RANGAP1: variants seen among roughly 807,000 people sequenced by gnomAD.
RANGAP1 encodes the protein Ran GTPase activating protein 1.
In RANGAP1, 38 loss-of-function variants were observed where a neutral mutation model predicts 63.5. The observed-to-expected ratio is 0.60, with a 90% CI of 0.46 to 0.78. RANGAP1 has a LOEUF of 0.78. Among genes scored for constraint, RANGAP1 ranks in the 30% least tolerant of loss-of-function variants. The pLI is 0.00. For synonymous variants in RANGAP1, 329 were observed against 310.5 expected (o/e 1.06, Z -0.63); for missense variants, 630 against 740.3 (o/e 0.85, Z 1.73).
At chr22:41,261,639 G>A in intron 5 of RANGAP1, 59 bp from the exon 6 acceptor site, 1 of 1,608,072 alleles carries the variant, frequency 6.2e-7, no homozygotes, top group Non-Finnish European at 8.5e-7. Context: ...CCAGCGGGGT[G>A]GCCACTGCTG....
intron 3 of RANGAP1, among the ~76,000 whole-genome samples, chr22:41,273,525 TG>T (rs899884903): frequency 3.3e-5 from 5 of 151,920 alleles, no homozygotes; most frequent in African/African-American, 1.2e-4. Flanking sequence ...CCCAGCACAT[TG>T]GGAGGCCAAG....
At chr22:41,249,684 C>T in intron 14 of RANGAP1, 45 bp downstream of exon 14, 2 of 1,579,142 alleles carry the variant, frequency 1.3e-6, no homozygotes, top group African/African-American at 2.7e-5. Flanking sequence ...TCTGTGCAGA[C>T]CCCACCCACC....
At chr22:41,301,970 A>T in the RANGAP1 span, among the ~76,000 whole-genome samples, 3 of 151,640 alleles carry the variant, frequency 2.0e-5, no homozygotes, top group Non-Finnish European at 4.4e-5. Flanking sequence ...CGTCTCTAAA[A>T]CCCCATTTGC....
chr22:41,254,921 G>A (rs1167531643), intron 10 of RANGAP1, among the ~76,000 whole-genome samples: 1 of 149,976 alleles, frequency 6.7e-6, no homozygotes, highest in Non-Finnish European at 1.5e-5. Context: ...GCAGTGAGCC[G>A]AAATTGTGCC....
At chr22:41,254,621 A>G in intron 10 of RANGAP1, 127 bp from the exon 11 acceptor site, 1 of 1,482,426 alleles carries the variant, frequency 6.7e-7, no homozygotes, top group Middle Eastern at 1.9e-4. Flanking sequence ...GGGTGGGAGC[A>G]CCTGCTCCCA....
At chr22:41,247,146 C>A (rs1290625771) in intron 15 of RANGAP1, among the ~76,000 whole-genome samples, 2 of 152,040 alleles carry the variant, frequency 1.3e-5, no homozygotes, top group East Asian at 3.9e-4. Context: ...AGCTCCGCCT[C>A]CCGAGTTCAC....
upstream of RANGAP1, among the ~76,000 whole-genome samples, chr22:41,287,229 C>G (rs1232971457): frequency 6.6e-6 from 1 of 152,078 alleles, no homozygotes; most frequent in Admixed American, 6.6e-5. Flanking sequence ...AAGAAATATA[C>G]CTATACATAT....
At chr22:41,253,866 G>C (rs1437865518) in intron 11 of RANGAP1, among the ~76,000 whole-genome samples, 3 of 152,140 alleles carry the variant, frequency 2.0e-5, no homozygotes, top group Admixed American at 1.3e-4. Flanking sequence ...CCAGCACTTT[G>C]GGAGGTCGAG....
chr22:41,255,504 C>T (rs549047531), intron 10 of RANGAP1, among the ~76,000 whole-genome samples: 2 of 152,040 alleles, frequency 1.3e-5, no homozygotes, highest in Admixed American at 1.3e-4. Flanking sequence ...AGAACAATCC[C>T]GAGTGCAGCC....
intron 5 of RANGAP1, among the ~76,000 whole-genome samples, chr22:41,262,797 T>C (rs2034250417): frequency 6.6e-6 from 1 of 152,222 alleles, no homozygotes; most frequent in East Asian, 1.9e-4. Context: ...CACGTGGTGA[T>C]GGCCTTAGCT....
intron 10 of RANGAP1, 36 bp from the exon 11 acceptor site, chr22:41,254,530 C>G (rs2033694495): frequency 6.5e-7 from 1 of 1,545,954 alleles, no homozygotes; most frequent in African/African-American, 1.4e-5. Flanking sequence ...ATCCTCTCTA[C>G]CCAGCAGCCC....
At chr22:41,263,309 G>A (rs1046385499) in intron 5 of RANGAP1, among the ~76,000 whole-genome samples, 1 of 152,240 alleles carries the variant, frequency 6.6e-6, no homozygotes, top group African/African-American at 2.4e-5. Context: ...CCCAGCGTAT[G>A]CCACTCACTC....
At position 41,256,012 on chromosome 22, in the gene RANGAP1, G is replaced by A. The variant is rs1231803788; in HGVS notation, c.1073+9C>T. On this transcript the variant is annotated intron_variant, in intron 10 of 15. Transcript: ENST00000356244. Reference sequence around the variant, plus strand: ...ACCCCGACCTCTGGGGCCACCCCGAGTTCCCTACCTGAGGGACGCCAGCAC... The same window carrying A: ...ACCCCGACCTCTGGGGCCACCCCGAATTCCCTACCTGAGGGACGCCAGCAC... 6.2e-7 allele frequency: 1 copy of A among 1,612,456 alleles called. No individual in the cohort carries two copies.
chr22:41,249,901 C>T, intron 13 of RANGAP1, 84 bp from the exon 14 acceptor site: 1 of 1,215,916 alleles, frequency 8.2e-7, no homozygotes, highest in Non-Finnish European at 1.2e-6. Flanking sequence ...CAACACCGCG[C>T]AGACACAGGC....
At chr22:41,255,751 C>T (rs967693311) in intron 10 of RANGAP1, among the ~76,000 whole-genome samples, 26 of 151,906 alleles carry the variant, frequency 1.7e-4, no homozygotes, top group African/African-American at 5.8e-4. Context: ...TGACCTAGTA[C>T]GTAACAGGAG....
chr22:41,253,117 ATTC>A (rs1601599156), intron 11 of RANGAP1, 126 bp from the exon 12 acceptor site: 1 of 1,023,954 alleles, frequency 9.8e-7, no homozygotes, highest in Non-Finnish European at 1.3e-6. Context: ...AAAGTCTAGA[ATTC>A]TTCCTCCCAC....
At chr22:41,271,193 C>A (rs541562133) in intron 3 of RANGAP1, among the ~76,000 whole-genome samples, 1 of 150,182 alleles carries the variant, frequency 6.7e-6, no homozygotes, top group Non-Finnish European at 1.5e-5. Flanking sequence ...AGATCAAGAT[C>A]AGACTGGGCA....
At chr22:41,290,623 T>A (rs908167464), upstream of RANGAP1, among the ~76,000 whole-genome samples, 1 of 152,212 alleles carries the variant, frequency 6.6e-6, no homozygotes, top group Admixed American at 6.6e-5. Flanking sequence ...CAGGCCTTTC[T>A]CTGTTGTGCA....
intron 11 of RANGAP1, among the ~76,000 whole-genome samples, chr22:41,253,262 C>A (rs1011965196): frequency 6.6e-6 from 1 of 152,158 alleles, no homozygotes; most frequent in Admixed American, 6.5e-5. Context: ...CCAAGTGGAT[C>A]CTCGTCATGA....
Sources: gnomAD v4.1 joint callset for allele counts (sites outside exome capture counted in the v4.1 genomes callset) on GRCh38, gnomAD v4.1.1 for gene constraint, MANE v1.5 for transcripts, NCBI Gene and HGNC (gene_info 2026-07-23, HGNC 2026-07-21) for gene names.